The following SCML2 variants were observed in gnomAD, a reference collection of about 807,000 sequenced individuals.
The protein encoded by SCML2 is Scm polycomb group protein like 2.
In SCML2, 6 loss-of-function variants were observed where a neutral mutation model predicts 48.4. That is an observed-to-expected ratio of 0.12 (90% confidence interval 0.07 to 0.24). The LOEUF is 0.24. Among genes scored for constraint, SCML2 ranks in the 10% least tolerant of loss-of-function variants. The pLI, the probability that SCML2 is intolerant of heterozygous loss-of-function variation, is 1.00. For synonymous variants in SCML2, 181 were observed against 189.5 expected, an observed-to-expected ratio of 0.95 and a Z score of 0.37; for missense variants, 377 against 528.2, an observed-to-expected ratio of 0.71 and a Z score of 2.81.
chrX:18,332,028 C>T (rs1929674690), intron 2 of SCML2, among the ~76,000 whole-genome samples: 1 of 112,127 alleles, frequency 8.9e-6, no homozygotes, highest in African/African-American at 3.2e-5. Flanking sequence ...CTAGTTATCT[C>T]TCTTTTCGTG....
chrX:18,297,231 T>C (rs1003791615), intron 7 of SCML2, among the ~76,000 whole-genome samples: 1 of 112,032 alleles, frequency 8.9e-6, no homozygotes, highest in African/African-American at 3.2e-5. Context: ...GGAACACTAC[T>C]CAACATAATA....
chrX:18,318,776 G>C (rs978459217), intron 6 of SCML2, among the ~76,000 whole-genome samples: 1 of 111,840 alleles, frequency 8.9e-6, no homozygotes, highest in Non-Finnish European at 1.9e-5. Flanking sequence ...TATATCTACA[G>C]TCAAGAAAGA....
At chrX:18,316,378 G>C (rs1324734627) in intron 6 of SCML2, among the ~76,000 whole-genome samples, 1 of 111,664 alleles carries the variant, frequency 9.0e-6, no homozygotes, top group East Asian at 2.8e-4. Context: ...GACAGAGTGA[G>C]ACTCTGTCTC....
In SCML2 at chrX:18,249,473, T is replaced by C. The variant is rs186393351; in HGVS notation, c.1457-1591A>G. The stretch of plus-strand genomic sequence containing the variant: ...TCACTGAAAAGCTCCTTTTCAGGGT[T>C]TGTCTTTTTTTGACCTAAATTAGAG... On this transcript the variant is annotated intron_variant, in intron 11 of 14. Transcript: ENST00000251900. Among the ~76,000 whole-genome samples, 61 of 111,121 alleles carry C rather than the reference T, an allele frequency of 5.5e-4. 2 individuals carry two copies. The East Asian group carries it at 0.015, about 28-fold the overall frequency.
chrX:18,259,885 C>G (rs989976108), intron 9 of SCML2, among the ~76,000 whole-genome samples: 3 of 111,159 alleles, frequency 2.7e-5, no homozygotes, highest in African/African-American at 9.8e-5. Flanking sequence ...AAAGGGAAAA[C>G]AAGAATAGAT....
intron 1 of SCML2, among the ~76,000 whole-genome samples, chrX:18,350,000 C>G (rs1300054713): frequency 8.9e-6 from 1 of 112,383 alleles, no homozygotes; most frequent in African/African-American, 3.2e-5. Flanking sequence ...AGGTGGCTCA[C>G]GCCTGTAATC....
At chrX:18,320,883 T>A (rs1929293770) in intron 5 of SCML2, among the ~76,000 whole-genome samples, 2 of 111,434 alleles carry the variant, frequency 1.8e-5, no homozygotes, top group South Asian at 3.8e-4. Context: ...TTTCATTGCA[T>A]GCAATTTTAC....
chrX:18,264,970 T>A (rs1927208998), intron 8 of SCML2, among the ~76,000 whole-genome samples: 1 of 111,895 alleles, frequency 8.9e-6, no homozygotes, highest in Non-Finnish European at 1.9e-5. Context: ...CTGGTTTCCC[T>A]AGGCCAGATA....
intron 6 of SCML2, among the ~76,000 whole-genome samples, chrX:18,309,572 T>C: frequency 1.8e-5 from 2 of 112,021 alleles, no homozygotes; most frequent in Middle Eastern, 9.3e-3. Context: ...ATTTGGTACA[T>C]ATATACCATG....
chrX:18,352,100 A>C (rs894535044), intron 1 of SCML2, among the ~76,000 whole-genome samples: 21 of 112,006 alleles, frequency 1.9e-4, no homozygotes, highest in Non-Finnish European at 2.8e-4. Context: ...GAACAAGCCC[A>C]AAAGAAAATA....
intron 7 of SCML2, among the ~76,000 whole-genome samples, chrX:18,289,745 T>C (rs1281193170): frequency 3.6e-5 from 4 of 111,815 alleles, no homozygotes. Flanking sequence ...AGCTATAAAA[T>C]CTTAATTTTA....
chrX:18,247,974 ATCAT>A (rs1230770363), intron 11 of SCML2, 92 bp from the exon 12 acceptor site: 2 of 549,300 alleles, frequency 3.6e-6, no homozygotes, highest in Non-Finnish European at 6.1e-6. Context: ...CTGTTTCTAC[ATCAT>A]TTGCCTACAA....
chrX:18,271,776 G>A (rs1007550819), intron 7 of SCML2, among the ~76,000 whole-genome samples: 1 of 108,055 alleles, frequency 9.3e-6, no homozygotes, highest in Non-Finnish European at 1.9e-5. Flanking sequence ...TGTTCTTACT[G>A]TAGACCTTGG....
At chrX:18,298,135 A>G (rs1456625885) in intron 7 of SCML2, among the ~76,000 whole-genome samples, 1 of 112,331 alleles carries the variant, frequency 8.9e-6, no homozygotes, top group Non-Finnish European at 1.9e-5. Context: ...GAACAAATGG[A>G]AAGACATCCC....
At chrX:18,353,760 C>G (rs1930445888) in intron 1 of SCML2, among the ~76,000 whole-genome samples, 1 of 112,851 alleles carries the variant, frequency 8.9e-6, no homozygotes, top group African/African-American at 3.2e-5. Flanking sequence ...AGGAAGCTAT[C>G]TATGTACAAC....
Position 18,268,215 on chromosome X carries a change from C to T in SCML2, c.731-2413G>A, listed in dbSNP as rs547698104. Among the ~76,000 whole-genome samples, 19 of 112,690 alleles carry T rather than the reference C, an allele frequency of 1.7e-4. No homozygotes were observed. In the South Asian group the frequency reaches 6.3e-3, roughly 37 times the overall value. ...TTATGAGAAGATTAAAGGCTATCCCCTTTGGGGGTAAACTTAAAAATCCCA... is the reference window on the plus strand; with the variant it reads ...TTATGAGAAGATTAAAGGCTATCCCTTTTGGGGGTAAACTTAAAAATCCCA... On this transcript the variant is annotated intron_variant, in intron 7 of 14. Transcript: ENST00000251900.
chrX:18,262,186 A>C (rs1053305278), intron 8 of SCML2, among the ~76,000 whole-genome samples: 2 of 108,478 alleles, frequency 1.8e-5, no homozygotes, highest in South Asian at 7.6e-4. Flanking sequence ...AAAAGATTCT[A>C]TGTCTTTATA....
intron 7 of SCML2, among the ~76,000 whole-genome samples, chrX:18,283,540 G>A (rs911334766): frequency 3.6e-5 from 4 of 112,388 alleles, no homozygotes; most frequent in African/African-American, 1.3e-4. Flanking sequence ...AGGAAACCCC[G>A]AAGACTCTGC....
chrX:18,310,424 C>A (rs955164689), intron 6 of SCML2, among the ~76,000 whole-genome samples: 7 of 107,668 alleles, frequency 6.5e-5, no homozygotes, highest in African/African-American at 2.4e-4. Flanking sequence ...TGCCACCACA[C>A]GTGGCTAATT....
Sources: allele counts gnomAD v4.1 joint callset (sites outside exome capture counted in the v4.1 genomes callset), GRCh38; gene constraint gnomAD v4.1.1; transcripts MANE v1.5; gene names NCBI Gene and HGNC (gene_info 2026-07-23, HGNC 2026-07-21).